Variants in TMEM14C observed in about 807,000 individuals in gnomAD.
The protein encoded by TMEM14C is transmembrane protein 14C.
Under a neutral mutation model 14.8 loss-of-function variants are expected in TMEM14C, and 13 were observed. The ratio of observed to expected loss-of-function variants is 0.88; its 90% CI spans 0.57 to 1.40. The LOEUF (loss-of-function observed/expected upper bound fraction) is 1.40, where lower values mean the gene tolerates loss of function less well. Among genes scored for constraint, TMEM14C ranks in the 40% most tolerant of loss-of-function variants. The pLI, the probability that TMEM14C is intolerant of heterozygous loss-of-function variation, is 0.00. For missense variants in TMEM14C, 142 were observed against 138.8 expected, an observed-to-expected ratio of 1.02 and a Z score of -0.12; for synonymous variants, 57 against 51.3, an observed-to-expected ratio of 1.11 and a Z score of -0.48.
At chr6:10,725,270 A>G (rs1421242626) in intron 3 of TMEM14C, among the ~76,000 whole-genome samples, 3 of 152,108 alleles carry the variant, frequency 2.0e-5, no homozygotes, top group African/African-American at 7.2e-5. Flanking sequence ...TTATCTACAG[A>G]TAGGCAGGGG....
intron 4 of TMEM14C, 23 bp from the exon 5 acceptor site, chr6:10,728,617 C>T (rs773017893): frequency 6.2e-7 from 1 of 1,612,066 alleles, no homozygotes; most frequent in South Asian, 1.1e-5. Context: ...AGTTTTAACA[C>T]TTCTTTATAT....
At position 10,728,666 on chromosome 6, in the gene TMEM14C, A is replaced by G. The variant is rs1282771288; in HGVS notation, c.226A>G (p.Met76Val). The G allele has an allele frequency of 1.2e-6, 2 of 1,614,064 alleles. No individual in the cohort carries two copies. Among genetic ancestry groups the G allele is most frequent in the Non-Finnish European group, 1.7e-6 (2 of 1,180,040 alleles). ...TACATCTGGTACCTTGGCTGGCATTATGGGAATGAGGTTCTACCACTCTGG... is the reference window on the plus strand; with the variant it reads ...TACATCTGGTACCTTGGCTGGCATTGTGGGAATGAGGTTCTACCACTCTGG... Reference protein sequence around the residue: ...LATSGTLAGIMGMRFYHSGKF... With the variant: ...LATSGTLAGIVGMRFYHSGKF... Residue 76 changes from methionine (M) to valine (V), a missense_variant, in exon 5 of 6, where the codon ATG becomes GTG. Coordinates refer to ENST00000229563, the MANE Select transcript of TMEM14C (RefSeq NM_016462.4).
chr6:10,724,722 T>A, intron 2 of TMEM14C, 89 bp downstream of exon 2: 1 of 1,494,372 alleles, frequency 6.7e-7, no homozygotes. Context: ...AAGAGTAGAC[T>A]GCCTGGGATG....
intron 1 of TMEM14C, among the ~76,000 whole-genome samples, chr6:10,723,675 T>C (rs1770763877): frequency 6.6e-6 from 1 of 150,400 alleles, no homozygotes; most frequent in Non-Finnish European, 1.5e-5. Flanking sequence ...ATATGTCTCA[T>C]TGCAGCCTCT....
At chr6:10,730,027 G>A (rs1451684160) in intron 5 of TMEM14C, among the ~76,000 whole-genome samples, 1 of 152,058 alleles carries the variant, frequency 6.6e-6, no homozygotes, top group East Asian at 1.9e-4. Flanking sequence ...GAACCTGGGA[G>A]ACGGAGGTTG....
chr6:10,727,313 T>C (rs941022511), intron 4 of TMEM14C, among the ~76,000 whole-genome samples: 46 of 152,066 alleles, frequency 3.0e-4, no homozygotes, highest in Non-Finnish European at 5.7e-4. Flanking sequence ...CGCATTGATA[T>C]TCAGATGTGC....
At position 10,730,615 on chromosome 6, in the gene TMEM14C, T is replaced by C; in HGVS notation, c.288T>C (p.Ser96=). ...FMPAGLIAGA[S]LLMVAKVGVS... is the part of the protein sequence containing the mutation. ...TTTCTATCTTGTTTCTTTTAAACAG[T>C]TTGCTGATGGTCGCCAAAGTTGGAG... Residue 96 remains serine, a splice_region_variant and synonymous_variant, in exon 6 of 6, where the codon AGT becomes AGC. Coordinates refer to ENST00000229563, the MANE Select transcript of TMEM14C (RefSeq NM_016462.4). 6.2e-7 allele frequency: 1 copy of C among 1,612,620 alleles called. No homozygotes were observed. The highest frequency in any genetic ancestry group is 8.5e-7 in the Non-Finnish European group (1 of 1,179,064).
At position 10,731,004 on chromosome 6, in the gene TMEM14C, C is replaced by G. The variant is rs1437309374; in HGVS notation, c.*338C>G. ...AAACCCCATTCCCTGCTCTGAGGAA[C>G]AGTGTGAAAAAAAGTCTTTTAGGAG... is the stretch of plus-strand genomic sequence containing the variant. On this transcript the variant is annotated 3_prime_UTR_variant, in exon 6 of 6. Coordinates refer to ENST00000229563, the MANE Select transcript of TMEM14C (RefSeq NM_016462.4). 3 of 1,008,086 alleles carry G rather than the reference C, an allele frequency of 3.0e-6. No individual in the cohort carries two copies. The highest frequency in any genetic ancestry group is 1.2e-6 in the Non-Finnish European group (1 of 845,194). The allele number at this position is 1,008,086 out of a possible 1,614,324, so 62.4% of individuals were successfully genotyped here.
rs771977694 is a variant in TMEM14C, at chr6:10,728,606, G to A, written c.200-34G>A. 19 of 1,605,842 alleles carry A rather than the reference G, an allele frequency of 1.2e-5. No homozygotes were observed. The Admixed American group carries it at 3.2e-4, about 27-fold the overall frequency. Reference sequence around the variant, plus strand: ...GATTCCCCTGCGTAGAAGATGTAATGAGTTTTAACACTTCTTTATATGTTT... The same window carrying A: ...GATTCCCCTGCGTAGAAGATGTAATAAGTTTTAACACTTCTTTATATGTTT... On this transcript the variant is annotated intron_variant, in intron 4 of 5. Transcript: ENST00000229563.
At chr6:10,726,108 C>T (rs965232810) in intron 4 of TMEM14C, 100 bp downstream of exon 4, 4 of 1,302,542 alleles carry the variant, frequency 3.1e-6, no homozygotes, top group Non-Finnish European at 3.3e-6. Flanking sequence ...CTTCACACTT[C>T]ACTTACGACA....
intron 5 of TMEM14C, 146 bp from the exon 6 acceptor site, chr6:10,730,469 A>C (rs898351506): frequency 1.5e-6 from 1 of 652,830 alleles, no homozygotes; most frequent in Admixed American, 3.1e-5. Context: ...TGGTTCCTCC[A>C]GGGATGGAAA....
chr6:10,726,131 C>T, intron 4 of TMEM14C, 123 bp downstream of exon 4: 1 of 1,057,152 alleles, frequency 9.5e-7, no homozygotes, highest in Non-Finnish European at 1.4e-6. Context: ...TTCACTGCTT[C>T]TACCAAGTCC....
In TMEM14C at chr6:10,724,942, C is replaced by T; in HGVS notation, c.21-19C>T. 1 of 1,614,206 alleles carries T rather than the reference C, an allele frequency of 6.2e-7. No individual in the cohort carries two copies. Among genetic ancestry groups the T allele is most frequent in the Non-Finnish European group, 8.5e-7 (1 of 1,180,004 alleles). ...TTCAAAGCCAGGTTAGCACTGACTT[C>T]TCCCTCTTGTGTTTTCAGAGTGCCT... is the stretch of plus-strand genomic sequence containing the variant. On this transcript the variant is annotated intron_variant, in intron 2 of 5. Transcript: ENST00000229563.
At chr6:10,729,413 G>A (rs543928653) in intron 5 of TMEM14C, among the ~76,000 whole-genome samples, 6 of 152,216 alleles carry the variant, frequency 3.9e-5, no homozygotes, top group African/African-American at 9.6e-5. Context: ...GATTACAGGC[G>A]TGACCCACTG....
At chr6:10,730,589 T>C in intron 5 of TMEM14C, 26 bp from the exon 6 acceptor site, 5 of 1,609,632 alleles carry the variant, frequency 3.1e-6, no homozygotes, top group Non-Finnish European at 4.2e-6. Flanking sequence ...TTACCTGACA[T>C]TTTCTATCTT....
chr6:10,729,148 T>C (rs138409166), intron 5 of TMEM14C, among the ~76,000 whole-genome samples: 132 of 152,330 alleles, frequency 8.7e-4, no homozygotes, highest in Non-Finnish European at 1.7e-3. Flanking sequence ...GTTGTTGTTA[T>C]TGAGACGGAG....
At chr6:10,728,971 C>G (rs1770951967) in intron 5 of TMEM14C, 1 of 845,368 alleles carries the variant, frequency 1.2e-6, no homozygotes, top group Non-Finnish European at 1.8e-6. Context: ...TCCATCCAAA[C>G]TCCTCCCTAT....
chr6:10,724,071 C>G (rs1269841503), intron 1 of TMEM14C, among the ~76,000 whole-genome samples: 1 of 152,192 alleles, frequency 6.6e-6, no homozygotes, highest in African/African-American at 2.4e-5. Flanking sequence ...CTACTGCCCT[C>G]CTAACAAGAA....
intron 4 of TMEM14C, among the ~76,000 whole-genome samples, chr6:10,728,163 T>TG (rs1770922382): frequency 6.6e-6 from 1 of 152,194 alleles, no homozygotes; most frequent in South Asian, 2.1e-4. Context: ...GTGTGAGTCT[T>TG]TAAAGTCTGT....
Sources: gnomAD v4.1 joint callset for allele counts (sites outside exome capture counted in the v4.1 genomes callset) on GRCh38, gnomAD v4.1.1 for gene constraint, MANE v1.5 for transcripts, NCBI Gene and HGNC (gene_info 2026-07-23, HGNC 2026-07-21) for gene names.